Variants in LMO7 observed in about 807,000 individuals in gnomAD.
LMO7 encodes the protein LIM domain 7, also known as LIM domain only protein 7.
A neutral mutation model predicts 206.5 loss-of-function variants in LMO7; 120 were observed. That is an observed-to-expected ratio of 0.58 (90% CI 0.50 to 0.68). The LOEUF (loss-of-function observed/expected upper bound fraction) is 0.68. Ranked by LOEUF, LMO7 falls within the 30% of genes least tolerant of loss-of-function variation. The pLI is 0.00. For missense variants in LMO7, 1,959 were observed against 1,957.9 expected (o/e 1.00, Z -0.01); for synonymous variants, 706 against 681.5 (o/e 1.04, Z -0.56).
chr13:75,742,062 G>C (rs1435638125), intron 3 of LMO7, among the ~76,000 whole-genome samples: 1 of 152,100 alleles, frequency 6.6e-6, no homozygotes, highest in African/African-American at 2.4e-5. Context: ...CAAAAATCTA[G>C]CATTCCTATA....
At chr13:75,704,896 T>C (rs1036448614) in intron 1 of LMO7, among the ~76,000 whole-genome samples, 5 of 152,254 alleles carry the variant, frequency 3.3e-5, no homozygotes, top group Non-Finnish European at 5.9e-5. Context: ...ATGAAATGAA[T>C]ACACCTCATA....
intron 1 of LMO7, among the ~76,000 whole-genome samples, chr13:75,691,945 A>G (rs2041517910): frequency 6.6e-6 from 1 of 152,044 alleles, no homozygotes; most frequent in Non-Finnish European, 1.5e-5. Flanking sequence ...CATGACCTCC[A>G]TTTCTACTCC....
intron 25 of LMO7, among the ~76,000 whole-genome samples, chr13:75,844,571 A>G (rs1204830393): frequency 2.0e-5 from 3 of 151,612 alleles, no homozygotes; most frequent in Non-Finnish European, 4.4e-5. Context: ...CACCACATCT[A>G]GCTTGTTTTT....
intron 3 of LMO7, among the ~76,000 whole-genome samples, chr13:75,753,396 CAGAAG>C (rs1240112124): frequency 3.9e-5 from 6 of 152,266 alleles, no homozygotes; most frequent in Middle Eastern, 6.8e-3. Flanking sequence ...TTTTGCTGTG[CAGAAG>C]CCTTTTAGTT....
At position 75,737,781 on chromosome 13, in the gene LMO7, AT is replaced by A. The variant is rs1411586468; in HGVS notation, c.210+10684del. ...AAAAAAAAAAATAAAATAAAATAAA[AT>A]AAAAAAAAAAAAAAAAAAACTTTTT... is the stretch of plus-strand genomic sequence containing the variant. On this transcript the variant is annotated intron_variant, in intron 3 of 30. Coordinates refer to ENST00000377534, the MANE Select transcript of LMO7 (RefSeq NM_001306080.2). Among the ~76,000 whole-genome samples the A allele has an allele frequency of 2.9e-3, 235 of 80,056 alleles. 11 individuals carry two copies. The highest frequency in any genetic ancestry group is 6.8e-3 in the Middle Eastern group (1 of 148). The allele number at this position is 80,056 out of a possible 152,430, so 52.5% of individuals were successfully genotyped here.
At position 75,727,050 on chromosome 13, in the gene LMO7, T is replaced by A. The variant is rs753957434; in HGVS notation, c.162T>A (p.Pro54=). The change falls in exon 3 of 31, where the codon CCT becomes CCA. Residue 54 remains proline (P), a synonymous_variant. Coordinates refer to ENST00000377534, the MANE Select transcript of LMO7 (RefSeq NM_001306080.2). ...LLCDLINKLK[P]GVIKKINRLS... is the part of the protein sequence containing the mutation. The stretch of plus-strand genomic sequence containing the variant: ...TCAGTTTGATTAATAAGCTTAAACC[T>A]GGCGTCATTAAGAAGATCAATAGAC... 1.5e-5 allele frequency: 24 copies of A among 1,587,630 alleles called. No individual in the cohort carries two copies. The South Asian group carries it at 2.1e-4, about 14-fold the overall frequency.
chr13:75,664,274 C>G (rs1385270092), intron 1 of LMO7, among the ~76,000 whole-genome samples: 2 of 152,024 alleles, frequency 1.3e-5, no homozygotes, highest in African/African-American at 4.8e-5. Context: ...TCCATGAGAA[C>G]ATGCAGTATT....
Position 75,821,485 on chromosome 13 carries a change from G to A in LMO7, c.2516G>A (p.Arg839His), listed in dbSNP as rs776057984. Residue 839 changes from arginine to histidine, a missense_variant, in exon 14 of 31, where the codon CGT becomes CAT. Arg to His is a conservative substitution (Grantham distance 29, BLOSUM62 0). Coordinates refer to ENST00000377534, the MANE Select transcript of LMO7 (RefSeq NM_001306080.2). ...RSRSTQMEST[R>H]VSASLPRSYR... ...CGGAGCACACAAATGGAATCAACTC[G>A]TGTTTCAGCTTCTCTCCCCAGAAGT... is the stretch of plus-strand genomic sequence containing the variant. The A allele has an allele frequency of 5.6e-6, 9 of 1,614,078 alleles. No individual in the cohort carries two copies. In the East Asian group the frequency reaches 1.1e-4, roughly 20 times the overall value.
chr13:75,730,334 A>C (rs944301836), intron 3 of LMO7, among the ~76,000 whole-genome samples: 1 of 152,152 alleles, frequency 6.6e-6, no homozygotes, highest in Non-Finnish European at 1.5e-5. Flanking sequence ...CAGAGATTCA[A>C]CTTCTTCCTG....
intron 14 of LMO7, among the ~76,000 whole-genome samples, chr13:75,822,797 G>A (rs1050142140): frequency 1.2e-5 from 1 of 81,038 alleles, no homozygotes; most frequent in Non-Finnish European, 2.5e-5. Flanking sequence ...TATATATATA[G>A]TTTCTAAAAA....
intron 4 of LMO7, among the ~76,000 whole-genome samples, chr13:75,781,036 T>G (rs2051253935): frequency 6.7e-6 from 1 of 150,112 alleles, no homozygotes. Flanking sequence ...AATACATTTA[T>G]AATTATCTAA....
chr13:75,713,053 G>T, intron 1 of LMO7, 129 bp from the exon 2 acceptor site: 2 of 585,422 alleles, frequency 3.4e-6, no homozygotes, highest in East Asian at 2.9e-5. Flanking sequence ...CAGATTATAG[G>T]ATATAACAGT....
chr13:75,752,087 TC>T (rs2047316264), intron 3 of LMO7, among the ~76,000 whole-genome samples: 1 of 151,690 alleles, frequency 6.6e-6, no homozygotes, highest in Admixed American at 6.6e-5. Flanking sequence ...AATTAGACTC[TC>T]TCTCTATATA....
chr13:75,736,015 C>T (rs937210044), intron 3 of LMO7, among the ~76,000 whole-genome samples: 3 of 151,962 alleles, frequency 2.0e-5, no homozygotes, highest in African/African-American at 4.8e-5. Flanking sequence ...TTGGAATGCT[C>T]GAATTGTAGT....
chr13:75,796,628 T>G lies in LMO7; in HGVS notation c.349-8T>G, dbSNP rs760145275. 1.4e-5 allele frequency: 22 copies of G among 1,572,024 alleles called. No individual in the cohort carries two copies. Among genetic ancestry groups the G allele is most frequent in the Middle Eastern group, 1.7e-4 (1 of 5,952 alleles). On this transcript the variant is annotated splice_polypyrimidine_tract_variant and splice_region_variant and intron_variant, in intron 5 of 30. Transcript: ENST00000377534. ...ATCTTGTTGTTCATGGATTTTTTTTTTTTTAAGGTTTTGATAACATTGTAC... is the reference window on the plus strand; with the variant it reads ...ATCTTGTTGTTCATGGATTTTTTTTGTTTTAAGGTTTTGATAACATTGTAC...
At chr13:75,789,539 G>A (rs949820920) in intron 4 of LMO7, among the ~76,000 whole-genome samples, 2 of 152,184 alleles carry the variant, frequency 1.3e-5, no homozygotes, top group Admixed American at 6.5e-5. Context: ...AGCTGGTTCT[G>A]TGAGTGGCTT....
At chr13:75,637,929 G>C (rs555304487) in intron 1 of LMO7, among the ~76,000 whole-genome samples, 1 of 152,282 alleles carries the variant, frequency 6.6e-6, no homozygotes, top group East Asian at 1.9e-4. Context: ...AGATGTGAAG[G>C]GAGGGGCATG....
rs928240516 is a variant in LMO7 at position 75,809,282 on chromosome 13, T to C, written c.1946+99T>C. 3.6e-5 allele frequency: 36 copies of C among 992,928 alleles called. No individual in the cohort carries two copies. The African/African-American group carries it at 4.0e-4, about 11-fold the overall frequency. 61.5% of individuals were successfully genotyped at this position (992,928 alleles called of 1,614,324 possible). On this transcript the variant is annotated intron_variant, in intron 11 of 30. Coordinates refer to ENST00000377534, the MANE Select transcript of LMO7 (RefSeq NM_001306080.2). ...ATGGCATGTCACTAAATGGGGTTGT[T>C]GTGTGCTGTGCATGATATTTTTTAA... is the stretch of plus-strand genomic sequence containing the variant.
intron 1 of LMO7, among the ~76,000 whole-genome samples, chr13:75,658,879 A>G (rs2038308054): frequency 6.6e-6 from 1 of 152,078 alleles, no homozygotes; most frequent in African/African-American, 2.4e-5. Context: ...GTGAGCCACC[A>G]CACCCAGCTT....
Sources: gnomAD v4.1 joint callset for allele counts (sites outside exome capture counted in the v4.1 genomes callset) on GRCh38, gnomAD v4.1.1 for gene constraint, MANE v1.5 for transcripts, NCBI Gene and HGNC (gene_info 2026-07-23, HGNC 2026-07-21) for gene names.